The following LRPPRC variants were observed in gnomAD, a reference collection of about 807,000 sequenced individuals.
The protein encoded by LRPPRC is leucine rich pentatricopeptide repeat containing.
In LRPPRC, 120 loss-of-function variants were observed where a neutral mutation model predicts 180.3. The ratio of observed to expected loss-of-function variants is 0.67; its 90% confidence interval spans 0.57 to 0.77. LRPPRC has a LOEUF of 0.77. LRPPRC is among the 30% of genes least tolerant of loss of function. The pLI, the probability that LRPPRC is intolerant of heterozygous loss-of-function variation, is 0.00. For missense variants in LRPPRC, 2,012 were observed against 1,657.2 expected, an observed-to-expected ratio of 1.21 and a Z score of -3.72; for synonymous variants, 723 against 600.0, an observed-to-expected ratio of 1.21 and a Z score of -3.00.
In LRPPRC at chr2:43,972,297, A is replaced by T. The variant is rs142819675; in HGVS notation, c.1369+1310T>A. ...ATTCTGAGATTCTAAGACAAGATGG[A>T]TTTGAGATAAAGCCCATTTTCTACT... On this transcript the variant is annotated intron_variant, in intron 11 of 37. Transcript: ENST00000260665. Among the ~76,000 whole-genome samples, 369 of 152,300 alleles carry T rather than the reference A, an allele frequency of 2.4e-3. 1 individual carries two copies. Among genetic ancestry groups the T allele is most frequent in the Non-Finnish European group, 3.4e-3 (234 of 68,014 alleles).
At chr2:43,952,263 AT>A (rs1048746033) in intron 14 of LRPPRC, among the ~76,000 whole-genome samples, 8 of 152,224 alleles carry the variant, frequency 5.3e-5, no homozygotes, top group Non-Finnish European at 1.2e-4. Flanking sequence ...TAAGGAAGGC[AT>A]GGAGATAAAC....
chr2:43,920,098 A>AAC (rs1671644524), intron 27 of LRPPRC, among the ~76,000 whole-genome samples: 1 of 151,604 alleles, frequency 6.6e-6, no homozygotes, highest in Non-Finnish European at 1.5e-5. Context: ...AAAAAAAAAA[A>AAC]AAAACTTAGA....
At chr2:43,917,649 C>G (rs1424545439) in intron 29 of LRPPRC, among the ~76,000 whole-genome samples, 2 of 151,880 alleles carry the variant, frequency 1.3e-5, no homozygotes, top group Non-Finnish European at 2.9e-5. Flanking sequence ...ATTAGCCAGG[C>G]GTGGGGGCGG....
chr2:43,911,219 T>C (rs1249786825), intron 30 of LRPPRC, among the ~76,000 whole-genome samples: 1 of 151,454 alleles, frequency 6.6e-6, no homozygotes, highest in African/African-American at 2.4e-5. Context: ...ACAGAGTACA[T>C]TAAAAACCCA....
At chr2:43,996,111 G>C, upstream of LRPPRC, 1 of 588,970 alleles carries the variant, frequency 1.7e-6, no homozygotes, top group Non-Finnish European at 3.0e-6. Flanking sequence ...GCACTTCTCC[G>C]AGGACAGAAG....
chr2:43,891,062 G>C (rs941926714), intron 36 of LRPPRC, among the ~76,000 whole-genome samples: 6 of 152,214 alleles, frequency 3.9e-5, no homozygotes, highest in Non-Finnish European at 8.8e-5. Flanking sequence ...AGTGGAATGA[G>C]GGTGACTCAT....
intron 31 of LRPPRC, chr2:43,903,510 A>T (rs1209293462): frequency 2.2e-5 from 3 of 136,288 alleles, no homozygotes; most frequent in African/African-American, 2.7e-5. Context: ...TGCAAACACT[A>T]CTCCTGTCCT....
chr2:43,901,157 T>C (rs1391791320), intron 32 of LRPPRC, among the ~76,000 whole-genome samples, 163 bp downstream of exon 32: 1 of 152,210 alleles, frequency 6.6e-6, no homozygotes, highest in Non-Finnish European at 1.5e-5. Flanking sequence ...AGAAAAAACA[T>C]ATTTTTCAAC....
chr2:43,988,058 T>C (rs938405198), intron 1 of LRPPRC, among the ~76,000 whole-genome samples: 1 of 151,784 alleles, frequency 6.6e-6, no homozygotes, highest in African/African-American at 2.4e-5. Flanking sequence ...CCGGCCAACA[T>C]GTGAAACCCC....
At position 43,952,371 on chromosome 2, in the gene LRPPRC, A is replaced by G. The variant is rs992011067; in HGVS notation, c.1650-1771T>C. 5.5e-4 allele frequency among the ~76,000 whole-genome samples: 84 copies of G among 152,200 alleles called. 1 individual carries two copies. Among genetic ancestry groups the G allele is most frequent in the Admixed American group, 5.2e-3 (80 of 15,284 alleles). ...GGTGAATGCCACAGGTTTGAAACCA[A>G]AACAAAAATAAACGGTATCCTTCAA... On this transcript the variant is annotated intron_variant, in intron 14 of 37. Coordinates refer to ENST00000260665, the MANE Select transcript of LRPPRC (RefSeq NM_133259.4).
At chr2:43,918,834 T>G (rs978327601) in intron 27 of LRPPRC, among the ~76,000 whole-genome samples, 1 of 147,262 alleles carries the variant, frequency 6.8e-6, no homozygotes, top group East Asian at 2.0e-4. Flanking sequence ...TATATATAGA[T>G]ATCTCTATAT....
At position 43,901,498 on chromosome 2, in the gene LRPPRC, A is replaced by G; in HGVS notation, c.3391T>C (p.Leu1131=). The G allele has an allele frequency of 6.2e-7, 1 of 1,613,798 alleles. No homozygotes were observed. Among genetic ancestry groups the G allele is most frequent in the Non-Finnish European group, 8.5e-7 (1 of 1,179,672 alleles). Residue 1131 remains leucine (L), a synonymous_variant, in exon 32 of 38, where the codon TTG becomes CTG. Transcript: ENST00000260665. ...KEAVTTLKTV[L]DQQQTPSRLA... is the part of the protein sequence containing the mutation. ...CTAGAAGGGGTCTGCTGCTGATCCA[A>G]TACTGTTTTCAGTGTTGTCACAGCC...
At chr2:43,896,478 C>T (rs113108726) in intron 35 of LRPPRC, 156 bp downstream of exon 35, 290 of 615,304 alleles carry the variant, frequency 4.7e-4, no homozygotes, top group African/African-American at 1.3e-3. Flanking sequence ...AGCTAACAGA[C>T]GACAAAACTG....
At chr2:43,953,723 T>C (rs991996634) in intron 14 of LRPPRC, among the ~76,000 whole-genome samples, 3 of 152,196 alleles carry the variant, frequency 2.0e-5, no homozygotes, top group Non-Finnish European at 4.4e-5. Context: ...ATGTTATCTA[T>C]TCAAATAAAA....
At position 43,948,612 on chromosome 2, in the gene LRPPRC, T is replaced by C. The variant is rs547361459; in HGVS notation, c.1736-94A>G. On this transcript the variant is annotated intron_variant, in intron 16 of 37. Coordinates refer to ENST00000260665, the MANE Select transcript of LRPPRC (RefSeq NM_133259.4). ...TATAAGAAATCATTTTGGTGTGAGA[T>C]GTCACCCTGATGAGAGGCTCTGAAA... 11 of 748,360 alleles carry C rather than the reference T, an allele frequency of 1.5e-5. No individual in the cohort carries two copies. The East Asian group carries it at 2.6e-4, about 18-fold the overall frequency. The allele number at this position is 748,360 out of a possible 1,614,324, so 46.4% of individuals were successfully genotyped here.
intron 1 of LRPPRC, among the ~76,000 whole-genome samples, chr2:43,988,209 C>G (rs540821686): frequency 7.0e-6 from 1 of 142,026 alleles, no homozygotes; most frequent in African/African-American, 2.7e-5. Context: ...CCACTGCACT[C>G]CAGCCTGGGA....
chr2:43,950,348 T>G (rs1672851727), intron 15 of LRPPRC, among the ~76,000 whole-genome samples: 1 of 152,116 alleles, frequency 6.6e-6, no homozygotes, highest in Non-Finnish European at 1.5e-5. Flanking sequence ...CAGCATCCAT[T>G]AGCTATTCTT....
intron 1 of LRPPRC, among the ~76,000 whole-genome samples, chr2:43,984,650 A>G (rs1674448910): frequency 3.3e-5 from 5 of 152,220 alleles, no homozygotes; most frequent in Admixed American, 6.5e-5. Context: ...CATTCTGGAA[A>G]CAAGAGTTTC....
At chr2:43,989,045 C>G (rs1572587695) in intron 1 of LRPPRC, among the ~76,000 whole-genome samples, 1 of 151,798 alleles carries the variant, frequency 6.6e-6, no homozygotes, top group South Asian at 2.1e-4. Flanking sequence ...TGGCTAATTT[C>G]TTTTTTTCTA....
Sources: gnomAD v4.1 joint callset for allele counts (sites outside exome capture counted in the v4.1 genomes callset) on GRCh38, gnomAD v4.1.1 for gene constraint, MANE v1.5 for transcripts, NCBI Gene and HGNC (gene_info 2026-07-23, HGNC 2026-07-21) for gene names.